The following ZFAND2A variants were observed in gnomAD, a reference collection of about 807,000 sequenced individuals.
The protein encoded by ZFAND2A is AN1-type zinc finger protein 2A.
ZFAND2A carries 20 observed loss-of-function variants against 11.6 expected under a neutral mutation model. The ratio of observed to expected loss-of-function variants is 1.72; its 90% CI spans 1.21 to 2.50. The LOEUF (loss-of-function observed/expected upper bound fraction) is 2.50. Ranked by LOEUF, ZFAND2A falls within the 30% of genes most tolerant of loss-of-function variation. The pLI, the probability that ZFAND2A is intolerant of heterozygous loss-of-function variation, is 0.00. For missense variants in ZFAND2A, 234 were observed against 182.9 expected, an observed-to-expected ratio of 1.28 and a Z score of -1.61; for synonymous variants, 93 against 60.6, an observed-to-expected ratio of 1.54 and a Z score of -2.48.
chr7:1,158,421 C>T lies in ZFAND2A; in HGVS notation c.-45-164G>A, dbSNP rs191524845. On this transcript the variant is annotated intron_variant, in intron 1 of 4. Transcript: ENST00000316495. ...GGTGTCCGCCATTCGTAGTCAACCC[C>T]ATTAAGAGACACGGACTCCTTCACA... is the stretch of plus-strand genomic sequence containing the variant. Among the ~76,000 whole-genome samples, 764 of 152,338 alleles carry T rather than the reference C, an allele frequency of 5.0e-3. 5 individuals are homozygous for T. Among genetic ancestry groups the T allele is most frequent in the African/African-American group, 0.018 (731 of 41,574 alleles).
downstream of ZFAND2A, among the ~76,000 whole-genome samples, chr7:1,150,591 G>A (rs1793380273): frequency 6.6e-6 from 1 of 152,104 alleles, no homozygotes; most frequent in Admixed American, 6.6e-5. Context: ...GTCAGGCCAC[G>A]AAGGCCGCAT....
At chr7:1,150,661 C>G (rs566896032), downstream of ZFAND2A, among the ~76,000 whole-genome samples, 6 of 152,288 alleles carry the variant, frequency 3.9e-5, no homozygotes, top group South Asian at 1.2e-3. Flanking sequence ...CCCGTTTTGG[C>G]TTTCTGCTCT....
downstream of ZFAND2A, among the ~76,000 whole-genome samples, chr7:1,150,887 C>CTTTTTT (rs10568309): frequency 6.9e-4 from 88 of 128,094 alleles, 1 homozygote; most frequent in African/African-American, 2.6e-3. Flanking sequence ...ACAACTGTGC[C>CTTTTTT]TTTTTTTTTT....
At chr7:1,150,291 C>G (rs1001822725), downstream of ZFAND2A, among the ~76,000 whole-genome samples, 1 of 152,068 alleles carries the variant, frequency 6.6e-6, no homozygotes, top group Non-Finnish European at 1.5e-5. Flanking sequence ...GAATACAAAC[C>G]CTTCCCGTTA....
At chr7:1,153,449 G>T (rs776870119) in intron 4 of ZFAND2A, among the ~76,000 whole-genome samples, 1 of 152,110 alleles carries the variant, frequency 6.6e-6, no homozygotes, top group Non-Finnish European at 1.5e-5. Context: ...TTGCCATGCT[G>T]CCCAGGCTGG....
intron 2 of ZFAND2A, 141 bp downstream of exon 2, chr7:1,158,017 G>T: frequency 1.1e-6 from 1 of 900,522 alleles, no homozygotes; most frequent in Non-Finnish European, 1.7e-6. Context: ...GATGCTAAGT[G>T]TCAAACAGAA....
chr7:1,152,312 G>A (rs771635744), downstream of ZFAND2A: 170 of 1,581,696 alleles, frequency 1.1e-4, no homozygotes, highest in Non-Finnish European at 1.3e-4. Flanking sequence ...ATCTCCCAAC[G>A]GCCTGGATTC....
chr7:1,158,698 T>C (rs973009351), intron 1 of ZFAND2A, among the ~76,000 whole-genome samples: 4 of 152,218 alleles, frequency 2.6e-5, no homozygotes, highest in African/African-American at 4.8e-5. Context: ...TCTCTTCAAC[T>C]CCCTTAGGCA....
At chr7:1,152,136 G>C (rs557464843), downstream of ZFAND2A, 6 of 1,336,806 alleles carry the variant, frequency 4.5e-6, no homozygotes, top group African/African-American at 8.9e-5. Context: ...TGACGAAGTC[G>C]CACCACTGGA....
intron 3 of ZFAND2A, chr7:1,157,199 C>T (rs555419036): frequency 6.5e-6 from 1 of 153,080 alleles, no homozygotes; most frequent in South Asian, 2.0e-4. Flanking sequence ...TGGGAGTCAC[C>T]TAAATACTAT....
At chr7:1,154,515 G>C (rs1400112118) in intron 4 of ZFAND2A, among the ~76,000 whole-genome samples, 1 of 152,196 alleles carries the variant, frequency 6.6e-6, no homozygotes, top group Non-Finnish European at 1.5e-5. Context: ...GAAGAAGCGG[G>C]TGTGCCAGAG....
chr7:1,155,413 G>T, intron 4 of ZFAND2A, 40 bp downstream of exon 4: 1 of 1,596,010 alleles, frequency 6.3e-7, no homozygotes, highest in Non-Finnish European at 8.5e-7. Context: ...GAAAAACCAG[G>T]CTTCCCAGAT....
downstream of ZFAND2A, chr7:1,152,262 C>A (rs377419160): frequency 3.2e-6 from 5 of 1,576,918 alleles, no homozygotes; most frequent in East Asian, 2.3e-5. Context: ...AACCAGTACC[C>A]GAGTCGCTGG....
chr7:1,154,471 G>C (rs1265466778), intron 4 of ZFAND2A, among the ~76,000 whole-genome samples: 1 of 152,172 alleles, frequency 6.6e-6, no homozygotes, highest in South Asian at 2.1e-4. Flanking sequence ...GGCAGTGCTG[G>C]GTGAGCCCCC....
chr7:1,158,720 T>A (rs1438565200), intron 1 of ZFAND2A, among the ~76,000 whole-genome samples: 1 of 152,230 alleles, frequency 6.6e-6, no homozygotes, highest in Non-Finnish European at 1.5e-5. Context: ...TGAATCTTAC[T>A]GTGAACTTAT....
Position 1,153,116 on chromosome 7 carries a change from C to A in ZFAND2A, c.391G>T (p.Asp131Tyr). 6.2e-7 allele frequency: 1 copy of A among 1,614,170 alleles called. No individual in the cohort carries two copies. Among genetic ancestry groups the A allele is most frequent in the Non-Finnish European group, 8.5e-7 (1 of 1,180,030 alleles). Residue 131 changes from aspartate to tyrosine, a missense_variant, in exon 5 of 5, where the codon GAC becomes TAC. Asp to Tyr is a radical substitution (Grantham distance 160, BLOSUM62 -3). Coordinates refer to ENST00000316495, the MANE Select transcript of ZFAND2A (RefSeq NM_182491.4). ...CGACTCCCGTGTCTGCAGCTGTGGT[C>A]CAAAGGGTGTCTGTGCTGGATACAG... ...NFCIQHRHPL[D>Y]HSCRHGSRPT... is the part of the protein sequence containing the mutation.
intron 4 of ZFAND2A, among the ~76,000 whole-genome samples, chr7:1,154,028 CAG>C (rs1240252933): frequency 6.6e-6 from 1 of 151,910 alleles, no homozygotes; most frequent in Admixed American, 6.6e-5. Flanking sequence ...GGGAGGACAA[CAG>C]AGAGAGGCAG....
chr7:1,154,359 C>G (rs1302120711), intron 4 of ZFAND2A, among the ~76,000 whole-genome samples: 1 of 152,076 alleles, frequency 6.6e-6, no homozygotes, highest in Admixed American at 6.6e-5. Flanking sequence ...CAGGAGGGAC[C>G]CGTGCAGGGA....
chr7:1,158,854 C>T (rs1793599441), intron 1 of ZFAND2A, among the ~76,000 whole-genome samples: 1 of 152,076 alleles, frequency 6.6e-6, no homozygotes, highest in South Asian at 2.1e-4. Context: ...CTCACGAGGT[C>T]CCCTCCATGA....
Sources: allele counts gnomAD v4.1 joint callset (sites outside exome capture counted in the v4.1 genomes callset), GRCh38; gene constraint gnomAD v4.1.1; transcripts MANE v1.5; gene names NCBI Gene and HGNC (gene_info 2026-07-23, HGNC 2026-07-21).